Variants in LAPTM4B observed in about 807,000 individuals in gnomAD.
LAPTM4B encodes the protein lysosomal-associated transmembrane protein 4B.
LAPTM4B carries 26 observed loss-of-function variants against 28.5 expected under a neutral mutation model. The observed-to-expected ratio is 0.91, with a 90% confidence interval of 0.67 to 1.27. LAPTM4B has a LOEUF of 1.27. LAPTM4B is among the 50% of genes most tolerant of loss of function. LAPTM4B has a pLI of 0.00. For missense variants in LAPTM4B, 288 were observed against 285.8 expected (o/e 1.01, Z -0.06); for synonymous variants, 109 against 106.4 (o/e 1.02, Z -0.15).
intron 5 of LAPTM4B, among the ~76,000 whole-genome samples, chr8:97,821,711 G>A (rs539092116): frequency 6.6e-5 from 10 of 152,238 alleles, no homozygotes; most frequent in East Asian, 1.9e-4. Context: ...AGGGGCCAGC[G>A]AGTCTGGATA....
intron 1 of LAPTM4B, among the ~76,000 whole-genome samples, chr8:97,776,847 TC>T (rs923423283): frequency 3.3e-5 from 5 of 152,280 alleles, no homozygotes; most frequent in African/African-American, 1.2e-4. Context: ...AGCGGGCAAA[TC>T]TGGCATTTTT....
Position 97,775,934 on chromosome 8 carries a change from G to GC in LAPTM4B, c.-75dup. On this transcript the variant is annotated 5_prime_UTR_variant, in exon 1 of 7. Coordinates refer to ENST00000521545, the MANE Select transcript of LAPTM4B (RefSeq NM_018407.6). ...AGCGGCGGAGGAGCCGGCAGCAGCG[G>GC]CGCGGCGGGCTCCAGGCGAGGCGGT... is the stretch of plus-strand genomic sequence containing the variant. 1 of 1,458,576 alleles carries GC rather than the reference G, an allele frequency of 6.9e-7. No individual in the cohort carries two copies. The highest frequency in any genetic ancestry group is 9.0e-7 in the Non-Finnish European group (1 of 1,114,004). The allele number at this position is 1,458,576 out of a possible 1,614,324, so 90.4% of individuals were successfully genotyped here. A position where few individuals can be genotyped will look rare whatever the true frequency, so the allele number is the denominator to read the frequency against.
chr8:97,850,262 C>T (rs1050335658), intron 6 of LAPTM4B, among the ~76,000 whole-genome samples: 4 of 151,942 alleles, frequency 2.6e-5, no homozygotes, highest in Admixed American at 1.3e-4. Context: ...TACAGGTGCC[C>T]TCTGCCTAGG....
At chr8:97,780,050 CAAAA>C (rs57555167) in intron 1 of LAPTM4B, among the ~76,000 whole-genome samples, 1 of 91,894 alleles carries the variant, frequency 1.1e-5, no homozygotes, top group Non-Finnish European at 2.2e-5. Flanking sequence ...GACTCTGTCT[CAAAA>C]AAAAAAAAAA....
intron 6 of LAPTM4B, among the ~76,000 whole-genome samples, chr8:97,842,074 A>G (rs768061829): frequency 6.6e-6 from 1 of 152,224 alleles, no homozygotes; most frequent in Non-Finnish European, 1.5e-5. Flanking sequence ...TTTGGGGGCC[A>G]TATAGTCTCT....
At chr8:97,844,747 C>T (rs1397217020) in intron 6 of LAPTM4B, among the ~76,000 whole-genome samples, 1 of 152,096 alleles carries the variant, frequency 6.6e-6, no homozygotes, top group Non-Finnish European at 1.5e-5. Context: ...TTTCCCAGGC[C>T]TTTGCAGAAG....
At chr8:97,793,576 A>T (rs1428347351) in intron 1 of LAPTM4B, among the ~76,000 whole-genome samples, 1 of 152,234 alleles carries the variant, frequency 6.6e-6, no homozygotes, top group Non-Finnish European at 1.5e-5. Flanking sequence ...AACATCATCC[A>T]TAGGAATGCT....
intron 6 of LAPTM4B, among the ~76,000 whole-genome samples, chr8:97,845,911 T>C (rs73274248): frequency 0.13 from 5,795 of 44,730 alleles, 1,293 homozygotes; most frequent in Non-Finnish European, 0.21. Flanking sequence ...CCCCTTCCCT[T>C]CGACAGGGTC....
chr8:97,799,439 C>T (rs1196408258), intron 1 of LAPTM4B, among the ~76,000 whole-genome samples: 1 of 152,132 alleles, frequency 6.6e-6, no homozygotes, highest in Non-Finnish European at 1.5e-5. Flanking sequence ...TTCAAAGGGA[C>T]TTTTCTTTTA....
At chr8:97,776,426 G>C (rs971750363) in intron 1 of LAPTM4B, among the ~76,000 whole-genome samples, 2 of 152,244 alleles carry the variant, frequency 1.3e-5, no homozygotes, top group Non-Finnish European at 2.9e-5. Context: ...GGGCGCACCG[G>C]GGCAGACAAA....
At chr8:97,835,848 C>G (rs951328245) in intron 6 of LAPTM4B, among the ~76,000 whole-genome samples, 1 of 151,342 alleles carries the variant, frequency 6.6e-6, no homozygotes, top group Non-Finnish European at 1.5e-5. Flanking sequence ...GATCAGGGGT[C>G]CCCAAGCCCC....
At chr8:97,819,631 G>A (rs1816971982) in intron 5 of LAPTM4B, among the ~76,000 whole-genome samples, 1 of 147,822 alleles carries the variant, frequency 6.8e-6, no homozygotes, top group African/African-American at 2.5e-5. Flanking sequence ...TACTTGATGA[G>A]CATTGAGACA....
chr8:97,777,381 C>G (rs1486035354), intron 1 of LAPTM4B, among the ~76,000 whole-genome samples: 1 of 151,842 alleles, frequency 6.6e-6, no homozygotes, highest in African/African-American at 2.4e-5. Flanking sequence ...CTGCTGACCT[C>G]GTGATTCGCC....
chr8:97,844,714 C>T (rs773196787), intron 6 of LAPTM4B, among the ~76,000 whole-genome samples: 8 of 152,102 alleles, frequency 5.3e-5, no homozygotes, highest in Non-Finnish European at 8.8e-5. Context: ...TGTTGAAAGT[C>T]GCCTCTTTGA....
chr8:97,818,274 C>T (rs971504268), intron 4 of LAPTM4B, among the ~76,000 whole-genome samples: 4 of 152,200 alleles, frequency 2.6e-5, no homozygotes, highest in African/African-American at 9.7e-5. Flanking sequence ...TGGGCCTTCT[C>T]CATGTTCTTC....
intron 1 of LAPTM4B, among the ~76,000 whole-genome samples, chr8:97,793,094 A>G (rs1816529942): frequency 6.6e-6 from 1 of 152,206 alleles, no homozygotes; most frequent in Non-Finnish European, 1.5e-5. Flanking sequence ...TTCACTCTGA[A>G]TAGAACATCC....
intron 1 of LAPTM4B, among the ~76,000 whole-genome samples, chr8:97,790,028 T>A (rs1816474347): frequency 6.6e-6 from 1 of 152,194 alleles, no homozygotes; most frequent in Non-Finnish European, 1.5e-5. Context: ...GTTCCATCCA[T>A]GTTGTTGCAA....
intron 1 of LAPTM4B, among the ~76,000 whole-genome samples, chr8:97,779,923 C>G (rs1270979382): frequency 6.6e-6 from 1 of 151,356 alleles, no homozygotes; most frequent in Non-Finnish European, 1.5e-5. Context: ...CAGTGGCAGG[C>G]ACCTGTAATC....
chr8:97,822,870 G>A (rs1817028365), intron 5 of LAPTM4B, among the ~76,000 whole-genome samples: 1 of 151,726 alleles, frequency 6.6e-6, no homozygotes, highest in Non-Finnish European at 1.5e-5. Flanking sequence ...AGACAAGAGT[G>A]TCACTCTGTC....
Sources: gnomAD v4.1 joint callset for allele counts (sites outside exome capture counted in the v4.1 genomes callset) on GRCh38, gnomAD v4.1.1 for gene constraint, MANE v1.5 for transcripts, NCBI Gene and HGNC (gene_info 2026-07-23, HGNC 2026-07-21) for gene names.